Variants in BIN3 observed in about 807,000 individuals in gnomAD.
BIN3 encodes the protein bridging integrator 3.
Under a neutral mutation model 38.2 loss-of-function variants are expected in BIN3, and 41 were observed. The observed-to-expected ratio is 1.07, with a 90% CI of 0.84 to 1.39. The LOEUF is 1.39. Among genes scored for constraint, BIN3 ranks in the 40% most tolerant of loss-of-function variants. The pLI is 0.00. For missense variants in BIN3, 361 were observed against 324.3 expected (o/e 1.11, Z -0.87); for synonymous variants, 145 against 122.6 (o/e 1.18, Z -1.21).
chr8:22,644,786 C>T lies in BIN3; in HGVS notation c.26G>A (p.Gly9Glu). Reference sequence around the variant, plus strand: ...GGGCACAATCTGTTTCTTGGGCTGCCCAATCTTAAAAGGAATCCTATAAGA... The same window carrying T: ...GGGCACAATCTGTTTCTTGGGCTGCTCAATCTTAAAAGGAATCCTATAAGA... MSWIPFKI[G>E]QPKKQIVPKT... Residue 9 changes from glycine to glutamate, a missense_variant, in exon 2 of 9, where the codon GGG becomes GAG. By Grantham distance (98) the Gly-to-Glu change is moderately conservative. Transcript: ENST00000276416. 6.2e-7 allele frequency: 1 copy of T among 1,611,370 alleles called. No homozygotes were observed. The highest frequency in any genetic ancestry group is 8.5e-7 in the Non-Finnish European group (1 of 1,178,610).
chr8:22,645,143 C>T (rs1303744401), intron 1 of BIN3, among the ~76,000 whole-genome samples: 5 of 148,944 alleles, frequency 3.4e-5, no homozygotes, highest in East Asian at 2.0e-4. Context: ...CTAGCCTAAG[C>T]GACAGAGCAA....
chr8:22,646,746 TAAACAGAAAAGG>T (rs1454062929), intron 1 of BIN3, among the ~76,000 whole-genome samples: 1 of 152,188 alleles, frequency 6.6e-6, no homozygotes, highest in Non-Finnish European at 1.5e-5. Flanking sequence ...TTCTCAGACC[TAAACAGAAAAGG>T]TTCACGGGGA....
At position 22,620,737 on chromosome 8, in the gene BIN3, G is replaced by GA. The variant is rs1801760461; in HGVS notation, c.*684dup. The GA allele has an allele frequency of 6.6e-6, 1 of 152,134 alleles. No individual in the cohort carries two copies. Among genetic ancestry groups the GA allele is most frequent in the South Asian group, 2.1e-4 (1 of 4,832 alleles). 9.4% of individuals were successfully genotyped at this position (152,134 alleles called of 1,614,324 possible). A position where few individuals can be genotyped will look rare whatever the true frequency, so the allele number is the denominator to read the frequency against. ...GGACGTTTCATTGAAAATTTTACTT[G>GA]AAAAAATAAAATTCCAGATACTCAG... is the stretch of plus-strand genomic sequence containing the variant. On this transcript the variant is annotated 3_prime_UTR_variant, in exon 9 of 9. Coordinates refer to ENST00000276416, the MANE Select transcript of BIN3 (RefSeq NM_018688.6).
chr8:22,655,516 C>G (rs934790328), intron 1 of BIN3, among the ~76,000 whole-genome samples: 2 of 152,208 alleles, frequency 1.3e-5, no homozygotes, highest in Non-Finnish European at 2.9e-5. Flanking sequence ...TGTCCCAGCA[C>G]TGTTTGTTGA....
At chr8:22,654,335 G>GTTTATTT (rs887803858) in intron 1 of BIN3, among the ~76,000 whole-genome samples, 1 of 152,078 alleles carries the variant, frequency 6.6e-6, no homozygotes, top group African/African-American at 2.4e-5. Flanking sequence ...TCAGAATCTG[G>GTTTATTT]TTTATTTTTA....
At chr8:22,648,977 C>T (rs533275374) in intron 1 of BIN3, among the ~76,000 whole-genome samples, 6 of 152,158 alleles carry the variant, frequency 3.9e-5, no homozygotes, top group Non-Finnish European at 7.4e-5. Context: ...TCCAGCTCTA[C>T]GACATGTACC....
At chr8:22,644,004 G>C (rs1407349870) in intron 2 of BIN3, among the ~76,000 whole-genome samples, 2 of 152,240 alleles carry the variant, frequency 1.3e-5, no homozygotes, top group East Asian at 3.8e-4. Context: ...AATGGAAAGA[G>C]TATCAGCCAG....
At chr8:22,644,624 G>A (rs952903442) in intron 2 of BIN3, 131 bp downstream of exon 2, 18 of 813,824 alleles carry the variant, frequency 2.2e-5, no homozygotes, top group African/African-American at 6.8e-5. Context: ...TTCTAGATCC[G>A]CATAAGCAGG....
At chr8:22,624,183 C>A in intron 7 of BIN3, 39 bp downstream of exon 7, 1 of 1,601,084 alleles carries the variant, frequency 6.2e-7, no homozygotes, top group East Asian at 2.2e-5. Flanking sequence ...CCACGATGGC[C>A]CACCTGTCTA....
At chr8:22,636,401 T>C (rs1802365846) in intron 4 of BIN3, 124 bp downstream of exon 4, 2 of 1,006,370 alleles carry the variant, frequency 2.0e-6, no homozygotes, top group Non-Finnish European at 3.0e-6. Context: ...AGGCTGCTTC[T>C]CAGGACACTG....
chr8:22,636,991 G>A (rs764203133), intron 2 of BIN3, 29 bp from the exon 3 acceptor site: 21 of 1,607,242 alleles, frequency 1.3e-5, no homozygotes, highest in South Asian at 6.6e-5. Context: ...CTCAATTATC[G>A]GAGAAATGAC....
intron 1 of BIN3, among the ~76,000 whole-genome samples, chr8:22,664,374 G>A (rs1040764544): frequency 3.9e-5 from 6 of 152,214 alleles, no homozygotes; most frequent in Non-Finnish European, 7.3e-5. Flanking sequence ...TGTCTTCAAG[G>A]CATTACTATG....
At chr8:22,624,479 T>C (rs1411636250) in intron 6 of BIN3, 116 bp from the exon 7 acceptor site, 1 of 1,384,776 alleles carries the variant, frequency 7.2e-7, no homozygotes, top group African/African-American at 1.4e-5. Context: ...TGGAGGGGCG[T>C]CCTGGCCAGC....
At chr8:22,659,362 G>A (rs1803158542) in intron 1 of BIN3, among the ~76,000 whole-genome samples, 1 of 152,218 alleles carries the variant, frequency 6.6e-6, no homozygotes, top group Non-Finnish European at 1.5e-5. Flanking sequence ...AGTCCGAGGA[G>A]GTATGTGTGT....
chr8:22,633,514 T>C (rs944606980), intron 4 of BIN3, among the ~76,000 whole-genome samples: 1 of 152,214 alleles, frequency 6.6e-6, no homozygotes, highest in Non-Finnish European at 1.5e-5. Flanking sequence ...GCCTCTGGAA[T>C]GTAAGATTCA....
chr8:22,633,890 C>T (rs1255279534), intron 4 of BIN3, among the ~76,000 whole-genome samples: 2 of 152,262 alleles, frequency 1.3e-5, no homozygotes, highest in East Asian at 1.9e-4. Flanking sequence ...CACCGCTCTT[C>T]AGAGGCACTG....
At chr8:22,630,606 T>C (rs1327646568) in intron 4 of BIN3, 28 bp from the exon 5 acceptor site, 1 of 1,612,530 alleles carries the variant, frequency 6.2e-7, no homozygotes, top group Non-Finnish European at 8.5e-7. Context: ...TCGGTGAACC[T>C]TCTATGAAGG....
intron 1 of BIN3, among the ~76,000 whole-genome samples, chr8:22,668,445 A>G (rs1803497673): frequency 6.6e-6 from 1 of 152,220 alleles, no homozygotes; most frequent in African/African-American, 2.4e-5. Flanking sequence ...GCCTATTTAG[A>G]GGGCAGGCAG....
chr8:22,644,852 T>TGCAGCTCAAA, intron 1 of BIN3, 49 bp from the exon 2 acceptor site: 1 of 1,540,728 alleles, frequency 6.5e-7, no homozygotes, highest in Non-Finnish European at 8.9e-7. Flanking sequence ...TGGGGAAGGA[T>TGCAGCTCAAA]GCAGCTCAAA....
Sources: allele counts gnomAD v4.1 joint callset (sites outside exome capture counted in the v4.1 genomes callset), GRCh38; gene constraint gnomAD v4.1.1; transcripts MANE v1.5; gene names NCBI Gene and HGNC (gene_info 2026-07-23, HGNC 2026-07-21).